Variants in ABCA4 observed in about 807,000 individuals in gnomAD.
ABCA4 encodes ATP binding cassette subfamily A member 4.
ABCA4 carries 196 observed loss-of-function variants against 263.7 expected under a neutral mutation model. The ratio of observed to expected loss-of-function variants is 0.74; its 90% CI spans 0.66 to 0.84. The LOEUF (loss-of-function observed/expected upper bound fraction) is 0.84, where lower values mean the gene tolerates loss of function less well. ABCA4 is among the 40% of genes least tolerant of loss of function. The probability of loss-of-function intolerance (pLI) is 0.00; values close to 1 mark genes in which losing one functional copy is unlikely to be tolerated. For synonymous variants in ABCA4, 1,133 were observed against 1,094.2 expected (o/e 1.04, Z -0.70); for missense variants, 2,792 against 2,855.1 (o/e 0.98, Z 0.50).
rs752920435 is a variant in ABCA4 at position 94,029,618 on chromosome 1, C to T, written c.4366G>A (p.Gly1456Ser). 5.0e-6 allele frequency: 8 copies of T among 1,613,636 alleles called. No homozygotes were observed. Among genetic ancestry groups the T allele is most frequent in the Non-Finnish European group, 6.8e-6 (8 of 1,179,808 alleles). Reference sequence around the variant, plus strand: ...GGAGTCTTCCAGGGTGTTGAGTTGCCACAGGGGTACTCCCTCATGGAAGAC... The same window carrying T: ...GGAGTCTTCCAGGGTGTTGAGTTGCTACAGGGGTACTCCCTCATGGAAGAC... ...KEGWLPEYPC[G>S]NSTPWKTPSV... Residue 1456 changes from glycine (G) to serine (S), a missense_variant, in exon 30 of 50, where the codon GGC becomes AGC. Coordinates refer to ENST00000370225, the MANE Select transcript of ABCA4 (RefSeq NM_000350.3).
intron 42 of ABCA4, 40 bp from the exon 43 acceptor site, chr1:94,007,780 A>C: frequency 6.4e-7 from 1 of 1,572,032 alleles, no homozygotes; most frequent in Non-Finnish European, 8.8e-7. Context: ...CTAGAGATCA[A>C]GAAGGTCTAA....
intron 6 of ABCA4, among the ~76,000 whole-genome samples, chr1:94,090,094 G>C (rs1661931302): frequency 1.3e-5 from 2 of 152,110 alleles, no homozygotes; most frequent in Admixed American, 1.3e-4. Flanking sequence ...ACATCTTGGG[G>C]ATGTGGGGGA....
Position 94,121,113 on chromosome 1 carries a change from C to G in ABCA4, c.-68G>C. 1 of 1,451,636 alleles carries G rather than the reference C, an allele frequency of 6.9e-7. No individual in the cohort carries two copies. Among genetic ancestry groups the G allele is most frequent in the South Asian group, 1.1e-5 (1 of 87,778 alleles). The allele number at this position is 1,451,636 out of a possible 1,614,324, so 89.9% of individuals were successfully genotyped here. A position where few individuals can be genotyped will look rare whatever the true frequency, so the allele number is the denominator to read the frequency against. On this transcript the variant is annotated 5_prime_UTR_variant, in exon 1 of 50. Transcript: ENST00000370225. ...CCTCAGACAGCAAAGGACATAAACG[C>G]CGTTAAGAGCGCCTCTGGCTCCGGA...
At chr1:94,102,218 G>A (rs867033875) in intron 5 of ABCA4, among the ~76,000 whole-genome samples, 11 of 152,244 alleles carry the variant, frequency 7.2e-5, no homozygotes, top group Middle Eastern at 3.4e-3. Context: ...ATTTAAAGGG[G>A]TTAGATAAAT....
chr1:94,117,026 CCTT>C (rs1277727095), intron 1 of ABCA4, among the ~76,000 whole-genome samples: 2 of 71,826 alleles, frequency 2.8e-5, no homozygotes, highest in African/African-American at 1.1e-4. Context: ...TTCTTTCTTT[CCTT>C]TTCTTTCTTT....
At chr1:94,072,798 G>C (rs1050270373) in intron 11 of ABCA4, among the ~76,000 whole-genome samples, 2 of 152,150 alleles carry the variant, frequency 1.3e-5, no homozygotes, top group African/African-American at 4.8e-5. Flanking sequence ...CTACTCCACT[G>C]CCTGCCTTCT....
At chr1:93,998,394 T>A (rs775658031) in intron 47 of ABCA4, among the ~76,000 whole-genome samples, 2 of 152,068 alleles carry the variant, frequency 1.3e-5, no homozygotes, top group East Asian at 1.9e-4. Flanking sequence ...GGCGGGAGGA[T>A]CACTTGAGCA....
intron 1 of ABCA4, 96 bp downstream of exon 1, chr1:94,120,884 C>A (rs1329203018): frequency 1.7e-6 from 1 of 602,240 alleles, no homozygotes; most frequent in Admixed American, 2.4e-5. Flanking sequence ...AACCCCCCAC[C>A]CTGCCCCACC....
rs552333546 is a variant in ABCA4, at chr1:93,999,184, T to C, written c.6480-1074A>G. On this transcript the variant is annotated intron_variant, in intron 47 of 49. Coordinates refer to ENST00000370225, the MANE Select transcript of ABCA4 (RefSeq NM_000350.3). ...CCTCAGTTTCCCGAGTAGGTGGGATTACAGGTGCATACCACCATGCCCATC... is the reference window on the plus strand; with the variant it reads ...CCTCAGTTTCCCGAGTAGGTGGGATCACAGGTGCATACCACCATGCCCATC... 7.3e-5 allele frequency among the ~76,000 whole-genome samples: 11 copies of C among 151,708 alleles called. No individual in the cohort carries two copies. The South Asian group carries it at 2.3e-3, about 32-fold the overall frequency.
chr1:93,998,675 C>T (rs1044649488), intron 47 of ABCA4, among the ~76,000 whole-genome samples: 1 of 149,978 alleles, frequency 6.7e-6, no homozygotes, highest in Admixed American at 6.6e-5. Flanking sequence ...GATAATCGTA[C>T]TTGCTGAAGT....
chr1:94,074,642 C>A (rs1268443672), intron 11 of ABCA4, among the ~76,000 whole-genome samples: 1 of 152,138 alleles, frequency 6.6e-6, no homozygotes, highest in South Asian at 2.1e-4. Flanking sequence ...TCATCTCATG[C>A]CAGTCAGAAT....
At chr1:94,042,201 T>C (rs1390380840) in intron 22 of ABCA4, among the ~76,000 whole-genome samples, 1 of 151,608 alleles carries the variant, frequency 6.6e-6, no homozygotes, top group East Asian at 1.9e-4. Context: ...GCTGTGTGAG[T>C]AGAGCAAGGG....
chr1:94,046,477 G>GAAAGAAAA (rs1468001784), intron 19 of ABCA4, among the ~76,000 whole-genome samples: 5 of 72,336 alleles, frequency 6.9e-5, no homozygotes, highest in Non-Finnish European at 1.6e-4. Context: ...AAAAAAAAAA[G>GAAAGAAAA]AAAAGAAAAG....
intron 4 of ABCA4, among the ~76,000 whole-genome samples, chr1:94,106,428 T>C (rs1662435114): frequency 1.3e-5 from 2 of 152,176 alleles, no homozygotes; most frequent in Admixed American, 1.3e-4. Flanking sequence ...ACTGGATGCA[T>C]GAGGTATGTC....
chr1:94,033,427 AAAAAAAAAAAG>A (rs1192882736), intron 26 of ABCA4, among the ~76,000 whole-genome samples: 2 of 151,326 alleles, frequency 1.3e-5, no homozygotes, highest in Non-Finnish European at 2.9e-5. Flanking sequence ...CTATCTCAAA[AAAAAAAAAAAG>A]AAAAAAAAAA....
chr1:94,039,542 T>C (rs1660430872), intron 24 of ABCA4, among the ~76,000 whole-genome samples: 1 of 152,100 alleles, frequency 6.6e-6, no homozygotes, highest in South Asian at 2.1e-4. Flanking sequence ...GCATCCTAAT[T>C]AAAGGGAGAA....
At chr1:94,104,994 C>T (rs1388515644) in intron 4 of ABCA4, among the ~76,000 whole-genome samples, 3 of 152,062 alleles carry the variant, frequency 2.0e-5, no homozygotes, top group Non-Finnish European at 4.4e-5. Context: ...CACACATGCA[C>T]ACATGCGCAC....
intron 35 of ABCA4, 149 bp downstream of exon 35, chr1:94,021,091 C>T (rs548677041): frequency 1.4e-5 from 15 of 1,086,046 alleles, no homozygotes; most frequent in South Asian, 6.5e-5. Flanking sequence ...GTGTGAGGCA[C>T]TTATTTGAAA....
intron 26 of ABCA4, among the ~76,000 whole-genome samples, chr1:94,032,694 G>T (rs1410582658): frequency 2.0e-5 from 3 of 152,122 alleles, no homozygotes; most frequent in Non-Finnish European, 4.4e-5. Flanking sequence ...GTCAATATGT[G>T]TAATACACTC....
Sources: gnomAD v4.1 joint callset for allele counts (sites outside exome capture counted in the v4.1 genomes callset) on GRCh38, gnomAD v4.1.1 for gene constraint, MANE v1.5 for transcripts, NCBI Gene and HGNC (gene_info 2026-07-23, HGNC 2026-07-21) for gene names.